The following DOCK1 variants were observed in gnomAD, a reference collection of about 807,000 sequenced individuals.
DOCK1 encodes the protein dedicator of cytokinesis protein 1.
Under a neutral mutation model 262.7 loss-of-function variants are expected in DOCK1, and 138 were observed. The ratio of observed to expected loss-of-function variants is 0.53; its 90% CI spans 0.46 to 0.61. DOCK1 has a LOEUF of 0.61. Ranked by LOEUF, DOCK1 falls within the 20% of genes least tolerant of loss-of-function variation. The probability of loss-of-function intolerance (pLI) is 0.00; values close to 1 mark genes in which losing one functional copy is unlikely to be tolerated. For synonymous variants in DOCK1, 866 were observed against 867.4 expected (o/e 1.00, Z 0.03); for missense variants, 1,908 against 2,370.7 (o/e 0.80, Z 4.05).
chr10:126,956,480 A>G (rs2134469066), intron 1 of DOCK1, among the ~76,000 whole-genome samples: 1 of 152,270 alleles, frequency 6.6e-6, no homozygotes, highest in African/African-American at 2.4e-5. Context: ...GCACAGGAAC[A>G]GGAGCTGGGC....
intron 18 of DOCK1, among the ~76,000 whole-genome samples, chr10:127,032,680 T>A (rs1354612770): frequency 6.6e-6 from 1 of 152,124 alleles, no homozygotes; most frequent in Non-Finnish European, 1.5e-5. Context: ...CAGCTTCCCA[T>A]GTAGCTGGGA....
At chr10:127,061,883 C>A in intron 23 of DOCK1, 107 bp downstream of exon 23, 3 of 645,824 alleles carry the variant, frequency 4.6e-6, no homozygotes, top group Non-Finnish European at 4.9e-6. Flanking sequence ...CCCCAAATAC[C>A]ATAGTTGTTA....
At chr10:127,407,722 G>A (rs1002939890) in intron 40 of DOCK1, among the ~76,000 whole-genome samples, 4 of 152,098 alleles carry the variant, frequency 2.6e-5, no homozygotes, top group Admixed American at 2.6e-4. Context: ...CTGCAGATGG[G>A]GCAGGGCTGC....
At chr10:127,182,029 T>A (rs191094352) in intron 27 of DOCK1, among the ~76,000 whole-genome samples, 1 of 152,310 alleles carries the variant, frequency 6.6e-6, no homozygotes, top group East Asian at 1.9e-4. Context: ...ACTGGATGAA[T>A]TCAGACACCC....
intron 46 of DOCK1, among the ~76,000 whole-genome samples, chr10:127,422,387 G>A (rs528375409): frequency 1.3e-5 from 2 of 151,772 alleles, no homozygotes; most frequent in South Asian, 2.1e-4. Context: ...GGATGGTCTC[G>A]ATTTCTTGAC....
At chr10:127,252,085 G>A (rs918875345) in intron 28 of DOCK1, among the ~76,000 whole-genome samples, 33 of 149,570 alleles carry the variant, frequency 2.2e-4, no homozygotes, top group African/African-American at 7.1e-4. Context: ...ATTCTAACTG[G>A]TGTGAGATGG....
intron 1 of DOCK1, among the ~76,000 whole-genome samples, chr10:126,966,854 C>G (rs2037713299): frequency 6.6e-6 from 1 of 152,220 alleles, no homozygotes. Context: ...CTTGGTTTAT[C>G]TCTGTCTCTT....
chr10:127,362,980 T>C (rs1351606139), intron 33 of DOCK1, among the ~76,000 whole-genome samples: 15 of 21,014 alleles, frequency 7.1e-4, no homozygotes, highest in African/African-American at 1.3e-3. Flanking sequence ...CACATACACA[T>C]ACACATCCCC....
intron 27 of DOCK1, among the ~76,000 whole-genome samples, chr10:127,223,287 G>A (rs1295666472): frequency 6.6e-6 from 1 of 152,162 alleles, no homozygotes; most frequent in Non-Finnish European, 1.5e-5. Context: ...AACTCAAAGT[G>A]TGTGTTTATC....
chr10:127,328,773 G>A (rs12264363), intron 29 of DOCK1, among the ~76,000 whole-genome samples: 8,210 of 152,162 alleles, frequency 0.054, 743 homozygotes, highest in African/African-American at 0.19. Context: ...GTGAAGGTTA[G>A]AGATTCTTAT....
At chr10:127,115,933 G>T (rs969391635) in intron 25 of DOCK1, among the ~76,000 whole-genome samples, 1 of 152,204 alleles carries the variant, frequency 6.6e-6, no homozygotes, top group African/African-American at 2.4e-5. Flanking sequence ...GCAGTGGACA[G>T]GTTTTCTTTG....
At chr10:127,003,672 T>C (rs931629739) in intron 10 of DOCK1, among the ~76,000 whole-genome samples, 1 of 152,090 alleles carries the variant, frequency 6.6e-6, no homozygotes, top group Non-Finnish European at 1.5e-5. Context: ...ACATTATAAG[T>C]AAGAAACTGG....
intron 18 of DOCK1, among the ~76,000 whole-genome samples, chr10:127,036,815 A>C (rs981584049): frequency 6.6e-6 from 1 of 151,790 alleles, no homozygotes; most frequent in Non-Finnish European, 1.5e-5. Flanking sequence ...CTCCACTAAA[A>C]CTACAAAAAA....
At chr10:127,201,779 T>G (rs1173689532) in intron 27 of DOCK1, among the ~76,000 whole-genome samples, 1 of 152,188 alleles carries the variant, frequency 6.6e-6, no homozygotes, top group Non-Finnish European at 1.5e-5. Flanking sequence ...GGCGGACTCC[T>G]GGGGAATGAA....
intron 29 of DOCK1, among the ~76,000 whole-genome samples, chr10:127,265,159 T>C (rs775078585): frequency 2.0e-4 from 30 of 152,244 alleles, no homozygotes; most frequent in Admixed American, 1.1e-3. Context: ...TCTGAAAGAC[T>C]AGCTCATCAA....
At chr10:126,994,364 C>A (rs142664170) in intron 6 of DOCK1, among the ~76,000 whole-genome samples, 1 of 151,438 alleles carries the variant, frequency 6.6e-6, no homozygotes, top group Non-Finnish European at 1.5e-5. Flanking sequence ...GGTGTTTCTC[C>A]GAGAGGGGGA....
At chr10:127,339,211 C>T (rs942417473) in intron 30 of DOCK1, 127 bp downstream of exon 30, 21 of 813,852 alleles carry the variant, frequency 2.6e-5, no homozygotes, top group South Asian at 3.2e-5. Context: ...GATGCGGAAA[C>T]GGAATTTGTA....
intron 4 of DOCK1, among the ~76,000 whole-genome samples, chr10:126,982,923 C>T (rs1281385535): frequency 2.0e-5 from 3 of 152,172 alleles, no homozygotes; most frequent in African/African-American, 7.2e-5. Context: ...AATCCTTATA[C>T]AGGGCAGACT....
intron 1 of DOCK1, among the ~76,000 whole-genome samples, chr10:126,926,850 C>T (rs2033771185): frequency 1.3e-5 from 2 of 152,106 alleles, no homozygotes; most frequent in Non-Finnish European, 1.5e-5. Flanking sequence ...GGAGCATGGC[C>T]CTGTAGGCAC....
Sources: allele counts gnomAD v4.1 joint callset (sites outside exome capture counted in the v4.1 genomes callset), GRCh38; gene constraint gnomAD v4.1.1; transcripts MANE v1.5; gene names NCBI Gene and HGNC (gene_info 2026-07-23, HGNC 2026-07-21).